The following KIAA1217 variants were observed in gnomAD, a reference collection of about 807,000 sequenced individuals.
KIAA1217 encodes the protein sickle tail protein homolog.
A neutral mutation model predicts 163.9 loss-of-function variants in KIAA1217; 88 were observed. That is an observed-to-expected ratio of 0.54 (90% CI 0.45 to 0.64). The LOEUF (loss-of-function observed/expected upper bound fraction) is 0.64, where lower values mean the gene tolerates loss of function less well. Among genes scored for constraint, KIAA1217 ranks in the 30% least tolerant of loss-of-function variants. The pLI, the probability that KIAA1217 is intolerant of heterozygous loss-of-function variation, is 0.00. For missense variants in KIAA1217, 2,372 were observed against 2,475.0 expected (o/e 0.96, Z 0.88); for synonymous variants, 903 against 923.1 (o/e 0.98, Z 0.39).
chr10:23,946,263 C>T (rs1161705266), intron 1 of KIAA1217, among the ~76,000 whole-genome samples: 4 of 97,140 alleles, frequency 4.1e-5, no homozygotes, highest in African/African-American at 1.3e-4. Flanking sequence ...ATGTCTCTTC[C>T]GTTTAAAAAA....
chr10:24,166,540 C>T (rs190392598), intron 2 of KIAA1217, among the ~76,000 whole-genome samples: 7 of 152,144 alleles, frequency 4.6e-5, no homozygotes, highest in Admixed American at 1.3e-4. Flanking sequence ...GGGTTCAAGA[C>T]GAGCCTGACC....
chr10:24,315,775 T>A (rs1296132034), intron 2 of KIAA1217, among the ~76,000 whole-genome samples: 2 of 142,686 alleles, frequency 1.4e-5, no homozygotes, highest in African/African-American at 5.4e-5. Context: ...AAAAAAAAAA[T>A]ATGTGCAGAA....
At chr10:23,737,952 C>T (rs1319672494) in intron 1 of KIAA1217, among the ~76,000 whole-genome samples, 1 of 151,728 alleles carries the variant, frequency 6.6e-6, no homozygotes, top group Non-Finnish European at 1.5e-5. Context: ...CATCTTGTAG[C>T]TGATTTTTTT....
chr10:24,191,552 A>AAT (rs59779872), intron 2 of KIAA1217, among the ~76,000 whole-genome samples: 2,164 of 148,142 alleles, frequency 0.015, 26 homozygotes, highest in South Asian at 0.044. Context: ...TGTACCCACA[A>AAT]ATATATATAT....
chr10:23,948,381 G>A (rs1460903672), intron 1 of KIAA1217, among the ~76,000 whole-genome samples: 1 of 152,038 alleles, frequency 6.6e-6, no homozygotes, highest in Non-Finnish European at 1.5e-5. Flanking sequence ...TGCTTACCAG[G>A]GTTTCAAATT....
intron 2 of KIAA1217, among the ~76,000 whole-genome samples, chr10:24,009,084 T>C (rs1480369032): frequency 6.6e-6 from 1 of 152,208 alleles, no homozygotes; most frequent in Non-Finnish European, 1.5e-5. Flanking sequence ...GTGACTGTTT[T>C]GTTGCCTGAA....
At chr10:24,158,865 A>G (rs2064994966) in intron 2 of KIAA1217, 1 of 301,350 alleles carries the variant, frequency 3.3e-6, no homozygotes. Context: ...GGTTAGTTAT[A>G]TAACTGTTCC....
chr10:23,889,977 A>G (rs1035910563), intron 1 of KIAA1217, among the ~76,000 whole-genome samples: 1 of 151,778 alleles, frequency 6.6e-6, no homozygotes, highest in African/African-American at 2.4e-5. Context: ...GCCTCAGAAA[A>G]TTAGTGTAGG....
At chr10:24,465,574 C>A (rs2062853517) in intron 5 of KIAA1217, among the ~76,000 whole-genome samples, 1 of 152,194 alleles carries the variant, frequency 6.6e-6, no homozygotes, top group Admixed American at 6.5e-5. Context: ...CACCGTATTC[C>A]CACTTGGATA....
intron 2 of KIAA1217, among the ~76,000 whole-genome samples, chr10:24,361,728 C>A (rs1165524943): frequency 6.6e-6 from 1 of 151,968 alleles, no homozygotes; most frequent in African/African-American, 2.4e-5. Context: ...GTAATCCCAG[C>A]CCTTTGGGAG....
intron 2 of KIAA1217, among the ~76,000 whole-genome samples, chr10:24,079,223 A>G (rs1462536579): frequency 1.3e-5 from 2 of 152,242 alleles, no homozygotes; most frequent in Non-Finnish European, 2.9e-5. Context: ...AGCAAAGAAA[A>G]CAAACACTGA....
intron 2 of KIAA1217, among the ~76,000 whole-genome samples, chr10:24,375,324 G>T (rs1305168741): frequency 6.6e-6 from 1 of 152,156 alleles, no homozygotes; most frequent in African/African-American, 2.4e-5. Context: ...TAGAAGGAGA[G>T]CAGAAAATGG....
At chr10:24,033,349 A>T (rs1285757284) in intron 2 of KIAA1217, among the ~76,000 whole-genome samples, 1 of 152,210 alleles carries the variant, frequency 6.6e-6, no homozygotes, top group Non-Finnish European at 1.5e-5. Flanking sequence ...TGCAGACCAC[A>T]AATTCAGTTA....
rs549173302 is a variant in KIAA1217, at chr10:23,951,830, C to A, written c.-320-55395C>A. Among the ~76,000 whole-genome samples, 48 of 152,268 alleles carry A rather than the reference C, an allele frequency of 3.2e-4. No individual in the cohort carries two copies. The South Asian group carries it at 1.0e-2, about 32-fold the overall frequency. On this transcript the variant is annotated intron_variant, in intron 1 of 18. Transcript: ENST00000376462. ...TGACTGTTTAATTCCTGCCTAGTAT[C>A]CTTCATCTCATCTCTTACTATTGAA...
At chr10:23,866,508 C>G (rs1490249988) in intron 1 of KIAA1217, among the ~76,000 whole-genome samples, 1 of 152,086 alleles carries the variant, frequency 6.6e-6, no homozygotes, top group Non-Finnish European at 1.5e-5. Context: ...TTATGGGAGC[C>G]AAGATGGTCA....
intron 2 of KIAA1217, among the ~76,000 whole-genome samples, chr10:24,152,104 C>A (rs1372700850): frequency 6.6e-6 from 1 of 152,144 alleles, no homozygotes; most frequent in Non-Finnish European, 1.5e-5. Flanking sequence ...TTCTTTTTAG[C>A]CTCCACTATC....
chr10:24,057,973 G>T (rs1287074121), intron 2 of KIAA1217, among the ~76,000 whole-genome samples: 4 of 152,102 alleles, frequency 2.6e-5, no homozygotes, highest in South Asian at 2.1e-4. Context: ...TTAAATCATT[G>T]CTGAGGCCAA....
At chr10:24,196,136 A>AAC (rs66954103) in intron 2 of KIAA1217, among the ~76,000 whole-genome samples, 2,695 of 144,300 alleles carry the variant, frequency 0.019, 33 homozygotes, top group Middle Eastern at 0.027. Flanking sequence ...CCTGTCTCAA[A>AAC]ACACACACAC....
chr10:24,065,607 A>G (rs901254472), intron 2 of KIAA1217, among the ~76,000 whole-genome samples: 2 of 152,184 alleles, frequency 1.3e-5, no homozygotes, highest in Non-Finnish European at 2.9e-5. Context: ...GCTGACAAGA[A>G]TGTATATTCT....
Sources: gnomAD v4.1 joint callset for allele counts (sites outside exome capture counted in the v4.1 genomes callset) on GRCh38, gnomAD v4.1.1 for gene constraint, MANE v1.5 for transcripts, NCBI Gene and HGNC (gene_info 2026-07-23, HGNC 2026-07-21) for gene names.